Variants in ITGA7 observed in about 807,000 individuals in gnomAD.
ITGA7 encodes the protein integrin alpha-7.
A neutral mutation model predicts 131.6 loss-of-function variants in ITGA7; 84 were observed. The observed-to-expected ratio is 0.64, with a 90% CI of 0.54 to 0.77. The LOEUF (loss-of-function observed/expected upper bound fraction) is 0.77. ITGA7 is among the 30% of genes least tolerant of loss of function. The pLI is 0.00. For missense variants in ITGA7, 1,399 were observed against 1,482.9 expected (o/e 0.94, Z 0.93); for synonymous variants, 548 against 600.7 (o/e 0.91, Z 1.28).
At chr12:55,695,176 T>G in intron 14 of ITGA7, 1 of 610,456 alleles carries the variant, frequency 1.6e-6, no homozygotes. Context: ...CCACCATTAC[T>G]TACCTTGGCC....
chr12:55,688,737 G>GA lies in ITGA7; in HGVS notation c.2958+106_2958+107insT, dbSNP rs57885211. 3 of 797,994 alleles carry GA rather than the reference G, an allele frequency of 3.8e-6. No homozygotes were observed. In the African/African-American group the frequency reaches 5.4e-5, roughly 14 times the overall value. 49.4% of individuals were successfully genotyped at this position (797,994 alleles called of 1,614,324 possible). ...GACTCCGTCTCAAAAAAAAAAAAAA[G>GA]GGGGGGGATGCTGCATTTGGACAGT... is the stretch of plus-strand genomic sequence containing the variant. On this transcript the variant is annotated intron_variant, in intron 22 of 24. Transcript: ENST00000257879.
At chr12:55,708,676 G>A (rs1875724325), upstream of ITGA7, among the ~76,000 whole-genome samples, 1 of 152,210 alleles carries the variant, frequency 6.6e-6, no homozygotes, top group Non-Finnish European at 1.5e-5. Context: ...GTGGGGAGGG[G>A]AGTGGGTGTC....
intron 21 of ITGA7, among the ~76,000 whole-genome samples, chr12:55,692,435 T>G (rs1871635185): frequency 6.6e-6 from 1 of 152,166 alleles, no homozygotes; most frequent in Non-Finnish European, 1.5e-5. Context: ...AAAAAGAACT[T>G]AACATTTTTA....
At position 55,693,291 on chromosome 12, in the gene ITGA7, T is replaced by C; in HGVS notation, c.2562A>G (p.Arg854=). ...VTVSNQGQSL[R]TLGSAFLNIM... is the part of the protein sequence containing the mutation. ...TGTTGAGGAAGGCAGAGCCCAGGGT[T>C]CTGAGCGACTGGCCTTGGTTGGAAA... Residue 854 remains arginine (R), a synonymous_variant, in exon 20 of 25, where the codon AGA becomes AGG. Transcript: ENST00000257879. The C allele has an allele frequency of 6.2e-7, 1 of 1,614,064 alleles. No individual in the cohort carries two copies.
At position 55,698,927 on chromosome 12, in the gene ITGA7, G is replaced by C; in HGVS notation, c.791-10C>G. ...GAGTCAATAGAGAAGCCTGGGGGAA[G>C]GGTGACTTACCCCTAAGTCTTCACC... is the stretch of plus-strand genomic sequence containing the variant. On this transcript the variant is annotated splice_polypyrimidine_tract_variant and intron_variant, in intron 5 of 24. Coordinates refer to ENST00000257879, the MANE Select transcript of ITGA7 (RefSeq NM_002206.3). 1 of 1,601,692 alleles carries C rather than the reference G, an allele frequency of 6.2e-7. No homozygotes were observed. Among genetic ancestry groups the C allele is most frequent in the South Asian group, 1.1e-5 (1 of 89,508 alleles).
At position 55,707,542 on chromosome 12, in the gene ITGA7, C is replaced by T. The variant is rs773307249; in HGVS notation, c.141G>A (p.Glu47=). Residue 47 remains glutamate (E), a synonymous_variant, in exon 1 of 25, where the codon GAG becomes GAA. Transcript: ENST00000257879. ...CAGAGAAGCCGAAGAGGCTGCCTGG[C>T]TCGCCCTCCTTGCGCAAGGCACCCA... ...DVMGALRKEG[E]PGSLFGFSVA... 6 of 1,613,960 alleles carry T rather than the reference C, an allele frequency of 3.7e-6. No homozygotes were observed. The highest frequency in any genetic ancestry group is 1.6e-4 in the Middle Eastern group (1 of 6,062).
At chr12:55,700,789 C>T (rs1425065382) in intron 4 of ITGA7, 110 bp downstream of exon 4, 2 of 1,385,768 alleles carry the variant, frequency 1.4e-6, no homozygotes, top group African/African-American at 2.8e-5. Flanking sequence ...GCCCTGGGGC[C>T]ATACAGCAGT....
At position 55,694,299 on chromosome 12, in the gene ITGA7, C is replaced by A. The variant is rs933056380; in HGVS notation, c.2389G>T (p.Ala797Ser). 10 of 1,613,922 alleles carry A rather than the reference C, an allele frequency of 6.2e-6. No individual in the cohort carries two copies. Among genetic ancestry groups the A allele is most frequent in the South Asian group, 1.1e-5 (1 of 91,094 alleles). ...AGCTCAATGAAGACACGGGCTCGTG[C>A]AGAGACTGGATGCAGCTCCTGCTCA... is the stretch of plus-strand genomic sequence containing the variant. ...ISEQELHPVS[A>S]RARVFIELPL... The change falls in exon 18 of 25, where the codon GCA (alanine) becomes TCA (serine). Residue 797 changes from alanine to serine, a missense_variant. Transcript: ENST00000257879. The surrounding 1 kb of genome is among the most constrained non-coding windows in gnomAD (Gnocchi z 5.3).
At chr12:55,688,793 G>A in intron 22 of ITGA7, 51 bp downstream of exon 22, 1 of 1,362,188 alleles carries the variant, frequency 7.3e-7, no homozygotes, top group South Asian at 1.2e-5. Context: ...GAGTCCTGGA[G>A]GGGCTTTGGA....
At chr12:55,701,185 C>T in intron 3 of ITGA7, 31 bp from the exon 4 acceptor site, 1 of 1,614,110 alleles carries the variant, frequency 6.2e-7, no homozygotes, top group Non-Finnish European at 8.5e-7. Flanking sequence ...GATCATTTCA[C>T]TCTGTGGGCC....
At chr12:55,709,242 T>C (rs77437989), upstream of ITGA7, among the ~76,000 whole-genome samples, 1,325 of 152,294 alleles carry the variant, frequency 8.7e-3, 17 homozygotes, top group African/African-American at 0.03. Flanking sequence ...TATCATATTC[T>C]TACGATTCTT....
chr12:55,685,963 C>T (rs552265746), intron 24 of ITGA7, among the ~76,000 whole-genome samples: 6 of 152,328 alleles, frequency 3.9e-5, no homozygotes, highest in African/African-American at 1.4e-4. Flanking sequence ...CATGCGACCT[C>T]CCCACACTCC....
At chr12:55,710,076 C>T (rs111685448), upstream of ITGA7, among the ~76,000 whole-genome samples, 2,382 of 152,208 alleles carry the variant, frequency 0.016, 58 homozygotes, top group African/African-American at 0.055. Flanking sequence ...AGAAACTAGA[C>T]GGGGCCGGGC....
intron 21 of ITGA7, among the ~76,000 whole-genome samples, chr12:55,691,981 C>T (rs1028009626): frequency 4.6e-5 from 7 of 152,144 alleles, no homozygotes; most frequent in Admixed American, 4.6e-4. Context: ...AGAGCATGTG[C>T]GGATCTGCTC....
At chr12:55,714,265 C>A (rs1876337181), upstream of ITGA7, among the ~76,000 whole-genome samples, 1 of 152,120 alleles carries the variant, frequency 6.6e-6, no homozygotes, top group South Asian at 2.1e-4. Context: ...GTAATCCCAG[C>A]ACTTTGGGAG....
chr12:55,707,823 C>CCAG lies in ITGA7; in HGVS notation c.-142_-141insCTG. ...CTCCCAGACGTTCGCCCCGCCAGCCCTCCCGCCCGCCCGCCGCTCCGCCAC... is the reference window on the plus strand; with the variant it reads ...CTCCCAGACGTTCGCCCCGCCAGCCCCAGTCCCGCCCGCCCGCCGCTCCGCCAC... On this transcript the variant is annotated 5_prime_UTR_variant, in exon 1 of 25. Coordinates refer to ENST00000257879, the MANE Select transcript of ITGA7 (RefSeq NM_002206.3). The CCAG allele has an allele frequency of 6.9e-7, 1 of 1,456,454 alleles. No individual in the cohort carries two copies. Among genetic ancestry groups the CCAG allele is most frequent in the Non-Finnish European group, 9.1e-7 (1 of 1,098,114 alleles). 90.2% of individuals were successfully genotyped at this position (1,456,454 alleles called of 1,614,324 possible). A position where few individuals can be genotyped will look rare whatever the true frequency, so the allele number is the denominator to read the frequency against.
In ITGA7 at chr12:55,686,324, C is replaced by G. The variant is rs768207634; in HGVS notation, c.3184-1036G>C. On this transcript the variant is annotated intron_variant, in intron 24 of 24. Transcript: ENST00000257879. ...GATGGAAGAAGCCACACTAGGATGT[C>G]GAGGGAGAAGCAGGGCAGAGGAAGC... 5 of 1,319,030 alleles carry G rather than the reference C, an allele frequency of 3.8e-6. No homozygotes were observed. The East Asian group carries it at 2.4e-4, about 64-fold the overall frequency. 81.7% of individuals were successfully genotyped at this position (1,319,030 alleles called of 1,614,324 possible).
rs201554972 is a variant in ITGA7 at position 55,697,821 on chromosome 12, A to G, written c.1283T>C (p.Val428Ala). Reference sequence around the variant, plus strand: ...GATGCCCACAGCCTCGCCCTCCAGCACCTAGAGAACCAGCTGTCAGCCTCC... The same window carrying G: ...GATGCCCACAGCCTCGCCCTCCAGCGCCTAGAGAACCAGCTGTCAGCCTCC... ...SLGVVAKPSQVLEGEAVGIKS... is the reference protein window; with the variant it reads ...SLGVVAKPSQALEGEAVGIKS... Residue 428 changes from valine to alanine, a missense_variant and splice_region_variant, in exon 9 of 25, where the codon GTG becomes GCG. Coordinates refer to ENST00000257879, the MANE Select transcript of ITGA7 (RefSeq NM_002206.3). The G allele has an allele frequency of 1.4e-5, 22 of 1,613,942 alleles. No individual in the cohort carries two copies. Among genetic ancestry groups the G allele is most frequent in the Non-Finnish European group, 1.9e-5 (22 of 1,179,994 alleles).
At chr12:55,693,485 C>G (rs1455741070) in intron 19 of ITGA7, among the ~76,000 whole-genome samples, 168 bp from the exon 20 acceptor site, 1 of 151,818 alleles carries the variant, frequency 6.6e-6, no homozygotes, top group Non-Finnish European at 1.5e-5. Context: ...CAGGCATGAG[C>G]CACCGTGCCC....
Sources: allele counts gnomAD v4.1 joint callset (sites outside exome capture counted in the v4.1 genomes callset), GRCh38; gene constraint gnomAD v4.1.1; non-coding constraint Gnocchi (gnomAD v3.1); transcripts MANE v1.5; gene names NCBI Gene and HGNC (gene_info 2026-07-23, HGNC 2026-07-21).